Variants in SZT2 observed in about 807,000 individuals in gnomAD.
SZT2 encodes KICSTOR complex protein SZT2.
SZT2 carries 216 observed loss-of-function variants against 404.2 expected under a neutral mutation model. The ratio of observed to expected loss-of-function variants is 0.53; its 90% CI spans 0.48 to 0.60. The LOEUF is 0.60. Among genes scored for constraint, SZT2 ranks in the 20% least tolerant of loss-of-function variants. SZT2 has a pLI of 0.00. For synonymous variants in SZT2, 1,693 were observed against 1,749.9 expected (o/e 0.97, Z 0.81); for missense variants, 3,857 against 4,459.2 (o/e 0.86, Z 3.85).
Position 43,448,171 on chromosome 1 carries a change from C to T in SZT2, c.9656C>T (p.Pro3219Leu). 6.2e-7 allele frequency: 1 copy of T among 1,612,042 alleles called. No homozygotes were observed. Among genetic ancestry groups the T allele is most frequent in the Non-Finnish European group, 8.5e-7 (1 of 1,178,746 alleles). The stretch of plus-strand genomic sequence containing the variant: ...CGCTTCCGGAAGCCACCCAGACTGC[C>T]CCCTGAGCCAGAGGCTCCTGGGAGT... ...MRRFRKPPRL[P>L]PEPEAPGSSA... Residue 3219 changes from proline (P) to leucine (L), a missense_variant, in exon 69 of 72, where the codon CCC (proline) becomes CTC (leucine). Pro to Leu is a moderately conservative substitution (Grantham distance 98). Coordinates refer to ENST00000634258, the MANE Select transcript of SZT2 (RefSeq NM_001365999.1). This position sits in a 1 kb window ranked among gnomAD's most constrained non-coding sequence, Gnocchi z 4.2.
At chr1:43,404,642 CA>C in intron 4 of SZT2, 92 bp downstream of exon 4, 1 of 1,380,446 alleles carries the variant, frequency 7.2e-7, no homozygotes, top group Middle Eastern at 1.8e-4. Context: ...TGTTTGTCCC[CA>C]AAGTCCCGAG....
Position 43,450,725 on chromosome 1 carries a change from G to T in SZT2, c.*245G>T. 1 of 699,552 alleles carries T rather than the reference G, an allele frequency of 1.4e-6. No individual in the cohort carries two copies. The highest frequency in any genetic ancestry group is 2.5e-6 in the Non-Finnish European group (1 of 395,478). The allele number at this position is 699,552 out of a possible 1,614,324, so 43.3% of individuals were successfully genotyped here. ...TCCAGAGAGTCAGGTCAACCCCGAG[G>T]ACCCCTTGGGCCCTTCTGGGGTACT... is the stretch of plus-strand genomic sequence containing the variant. On this transcript the variant is annotated 3_prime_UTR_variant, in exon 72 of 72. Coordinates refer to ENST00000634258, the MANE Select transcript of SZT2 (RefSeq NM_001365999.1). This position sits in a 1 kb window ranked among gnomAD's most constrained non-coding sequence, Gnocchi z 4.3.
Position 43,423,300 on chromosome 1 carries a change from G to A in SZT2, c.2239G>A (p.Asp747Asn). 1 of 1,542,616 alleles carries A rather than the reference G, an allele frequency of 6.5e-7. No homozygotes were observed. The highest frequency in any genetic ancestry group is 8.7e-7 in the Non-Finnish European group (1 of 1,153,246). The change falls in exon 15 of 72, where the codon GAC becomes AAC. Residue 747 changes from aspartate to asparagine, a missense_variant. This residue lies in a region of SZT2 where 1,725 missense variants were observed against 1,881.0 expected (regional missense o/e 0.92). Transcript: ENST00000634258. ...PCLVVLHKPLDKLLIRYEKLP... is the reference protein window; with the variant it reads ...PCLVVLHKPLNKLLIRYEKLP... Reference sequence around the variant, plus strand: ...CCTTGTGGTCCTGCATAAGCCACTGGACAAACTGCTCATCAGGTTGGTACA... The same window carrying A: ...CCTTGTGGTCCTGCATAAGCCACTGAACAAACTGCTCATCAGGTTGGTACA...
Position 43,453,953 on chromosome 1 carries a change from C to A in SZT2, c.*3473C>A. The A allele has an allele frequency of 1.7e-6, 2 of 1,198,946 alleles. No individual in the cohort carries two copies. Among genetic ancestry groups the A allele is most frequent in the South Asian group, 4.1e-5 (1 of 24,176 alleles). The allele number at this position is 1,198,946 out of a possible 1,614,324, so 74.3% of individuals were successfully genotyped here. ...GAAGTGCTGTAAAAACCCGGGCCTT[C>A]ACGAAAAGCGCCTACGGTTAGCGAG... On this transcript the variant is annotated 3_prime_UTR_variant, in exon 72 of 72. Coordinates refer to ENST00000634258, the MANE Select transcript of SZT2 (RefSeq NM_001365999.1).
At position 43,414,510 on chromosome 1, in the gene SZT2, C is replaced by G. The variant is rs569633423; in HGVS notation, c.499-572C>G. Among the ~76,000 whole-genome samples, 5 of 152,172 alleles carry G rather than the reference C, an allele frequency of 3.3e-5. No individual in the cohort carries two copies. The East Asian group carries it at 9.7e-4, about 30-fold the overall frequency. ...GATCTCTGCTCACTGCAACCTCTGCCTTCCAGGTCCCAGTTAAGCAATTCT... is the reference window on the plus strand; with the variant it reads ...GATCTCTGCTCACTGCAACCTCTGCGTTCCAGGTCCCAGTTAAGCAATTCT... On this transcript the variant is annotated intron_variant, in intron 4 of 71. Transcript: ENST00000634258.
rs766521904 is a variant in SZT2 at position 43,433,232 on chromosome 1, C to T, written c.5804+42C>T. ...GCCTGCACCCTCATGCTCCCATTAA[C>T]CTCTTCTCTCTGCTCCCACAGTACC... On this transcript the variant is annotated intron_variant, in intron 40 of 71. Coordinates refer to ENST00000634258, the MANE Select transcript of SZT2 (RefSeq NM_001365999.1). The T allele has an allele frequency of 4.4e-6, 7 of 1,593,260 alleles. No individual in the cohort carries two copies. The East Asian group carries it at 6.7e-5, about 15-fold the overall frequency.
Position 43,446,244 on chromosome 1 carries a change from G to T in SZT2, c.8982G>T (p.Met2994Ile). ...CACTGCCTGGGGGCATCATCCTCAT[G>T]GAACTGGCATTCCAGGTAAGCAGGA... ...QRALPGGIIL[M>I]ELAFQGCYFC... The change falls in exon 64 of 72, where the codon ATG (methionine) becomes ATT (isoleucine). Residue 2994 changes from methionine to isoleucine, a missense_variant. By Grantham distance (10) the Met-to-Ile change is conservative. This residue lies in a region of SZT2 where 717 missense variants were observed against 868.2 expected (regional missense o/e 0.83). Transcript: ENST00000634258. The T allele has an allele frequency of 6.2e-7, 1 of 1,614,246 alleles. No homozygotes were observed. The highest frequency in any genetic ancestry group is 8.5e-7 in the Non-Finnish European group (1 of 1,180,050).
intron 1 of SZT2, among the ~76,000 whole-genome samples, chr1:43,397,644 C>T (rs1374419885): frequency 1.3e-5 from 2 of 151,810 alleles, no homozygotes; most frequent in South Asian, 2.1e-4. Context: ...TCTCCTGCCT[C>T]GGTCCCCTAA....
At position 43,437,661 on chromosome 1, in the gene SZT2, G is replaced by T. The variant is rs1488981993; in HGVS notation, c.6357G>T (p.Leu2119=). 3 of 1,614,058 alleles carry T rather than the reference G, an allele frequency of 1.9e-6. No homozygotes were observed. The highest frequency in any genetic ancestry group is 1.6e-4 in the Middle Eastern group (1 of 6,062). ...ATGCGCTGCCCCCTTCCCTCGCTCTGTCCCGAAGCCAAGAGCCCATCTACT... is the reference window on the plus strand; with the variant it reads ...ATGCGCTGCCCCCTTCCCTCGCTCTTTCCCGAAGCCAAGAGCCCATCTACT... ...KGDALPPSLA[L]SRSQEPIYSE... is the part of the protein sequence containing the mutation. The change falls in exon 45 of 72, where the codon CTG becomes CTT. Residue 2119 remains leucine, a synonymous_variant. Transcript: ENST00000634258. The surrounding 1 kb of genome is among the most constrained non-coding windows in gnomAD (Gnocchi z 5.3).
rs78858677 is a variant in SZT2 at position 43,441,264 on chromosome 1, T to C, written c.7395T>C (p.Ile2465=). 2.9e-4 allele frequency: 468 copies of C among 1,614,210 alleles called. 2 individuals carry two copies. The African/African-American group carries it at 5.4e-3, about 19-fold the overall frequency. ...DLGSPKTTDD[I]VLDRPEDTRG... ...GTTCCCCCAAAACAACTGATGACATTGTCCTGGATCGGCCAGAAGACACTC... is the reference window on the plus strand; with the variant it reads ...GTTCCCCCAAAACAACTGATGACATCGTCCTGGATCGGCCAGAAGACACTC... Residue 2465 remains isoleucine, a synonymous_variant, in exon 53 of 72, where the codon ATT becomes ATC. Coordinates refer to ENST00000634258, the MANE Select transcript of SZT2 (RefSeq NM_001365999.1). This position sits in a 1 kb window ranked among gnomAD's most constrained non-coding sequence, Gnocchi z 4.8.
Position 43,422,234 on chromosome 1 carries a change from C to A in SZT2, c.1769+9C>A. ...ATCCTGGAGCATGACACGTGGGTGCCCTTAGGGCTGGGCCATAGTTGGGGT... is the reference window on the plus strand; with the variant it reads ...ATCCTGGAGCATGACACGTGGGTGCACTTAGGGCTGGGCCATAGTTGGGGT... On this transcript the variant is annotated intron_variant, in intron 12 of 71. Coordinates refer to ENST00000634258, the MANE Select transcript of SZT2 (RefSeq NM_001365999.1). 6.4e-7 allele frequency: 1 copy of A among 1,572,568 alleles called. No homozygotes were observed.
Position 43,422,782 on chromosome 1 carries a change from C to T in SZT2, c.1936C>T (p.Pro646Ser). The change falls in exon 14 of 72, where the codon CCC (proline) becomes TCC (serine). Residue 646 changes from proline (P) to serine (S), a missense_variant. Coordinates refer to ENST00000634258, the MANE Select transcript of SZT2 (RefSeq NM_001365999.1). The stretch of plus-strand genomic sequence containing the variant: ...ATTTCTCCCCAGTGCCCCAGACCAG[C>T]CCCCCAATTCCTTCTACATGGTCCG... The part of the protein sequence containing the change: ...VKLLSSAPDQ[P>S]PNSFYMVRII... 6.3e-7 allele frequency: 1 copy of T among 1,588,596 alleles called. No individual in the cohort carries two copies.
rs2153934073 is a variant in SZT2, at chr1:43,431,798, C to A, written c.5171C>A (p.Ala1724Asp). ...IPQSPALHRA[A>D]AHIHSSPGRS... ...CAGAGTCCTGCCCTGCACCGCGCAG[C>A]TGCCCATATCCATAGTTCTCCTGGA... Residue 1724 changes from alanine to aspartate, a missense_variant, in exon 36 of 72, where the codon GCT (alanine) becomes GAT (aspartate). Around this residue, in one of 7 missense-constraint regions of SZT2, gnomAD observed 1,725 missense variants for 1,881.0 expected, o/e 0.92. Coordinates refer to ENST00000634258, the MANE Select transcript of SZT2 (RefSeq NM_001365999.1). The A allele has an allele frequency of 6.2e-7, 1 of 1,614,230 alleles. No individual in the cohort carries two copies.
At chr1:43,411,064 A>G (rs749185533) in intron 4 of SZT2, among the ~76,000 whole-genome samples, 5 of 152,206 alleles carry the variant, frequency 3.3e-5, no homozygotes, top group African/African-American at 1.2e-4. Flanking sequence ...CCTGATCTAT[A>G]TGAAATCAAA....
At chr1:43,403,386 G>C (rs983371691) in intron 2 of SZT2, 84 bp downstream of exon 2, 2 of 1,533,278 alleles carry the variant, frequency 1.3e-6, no homozygotes, top group African/African-American at 1.4e-5. Flanking sequence ...AGACAGGGTG[G>C]GAGACTAACT....
Position 43,438,701 on chromosome 1 carries a change from C to T in SZT2, c.6511C>T (p.Pro2171Ser), listed in dbSNP as rs1570700741. 1.2e-6 allele frequency: 2 copies of T among 1,613,810 alleles called. No individual in the cohort carries two copies. Among genetic ancestry groups the T allele is most frequent in the Non-Finnish European group, 1.7e-6 (2 of 1,179,942 alleles). ...LLVHGVGQAG[P>S]EITDELVRVL... is the part of the protein sequence containing the mutation. ...CTTCCCACCATGGCTGTGTCAAGGT[C>T]CTGAGATCACGGATGAGCTCGTGCG... Residue 2171 changes from proline (P) to serine (S), a missense_variant and splice_region_variant, in exon 47 of 72, where the codon CCT becomes TCT. Physicochemically the swap from Pro to Ser is moderately conservative, Grantham distance 74. Transcript: ENST00000634258.
At position 43,450,358 on chromosome 1, in the gene SZT2, G is replaced by A. The variant is rs1656250218; in HGVS notation, c.10177G>A (p.Glu3393Lys). 6 of 1,614,058 alleles carry A rather than the reference G, an allele frequency of 3.7e-6. No homozygotes were observed. Among genetic ancestry groups the A allele is most frequent in the Non-Finnish European group, 5.1e-6 (6 of 1,179,990 alleles). The part of the protein sequence containing the change: ...GKTSLTVVFR[E>K]PFPVQPQDSE... ...ACAGTCTCTGACAGTGGTTTTCCGA[G>A]AGCCCTTCCCAGTACAGCCCCAGGA... The change falls in exon 72 of 72, where the codon GAG (glutamate) becomes AAG (lysine). Residue 3393 changes from glutamate (E) to lysine (K), a missense_variant. Physicochemically the swap from Glu to Lys is moderately conservative, Grantham distance 56. This residue lies in a region of SZT2 where 717 missense variants were observed against 868.2 expected (regional missense o/e 0.83). Transcript: ENST00000634258. The surrounding 1 kb of genome is among the most constrained non-coding windows in gnomAD (Gnocchi z 4.3).
At chr1:43,422,372 A>G (rs1179317903) in intron 12 of SZT2, 108 bp from the exon 13 acceptor site, 2 of 1,489,708 alleles carry the variant, frequency 1.3e-6, no homozygotes, top group Non-Finnish European at 1.8e-6. Context: ...CCTGCTCTTC[A>G]GTCCCCATAA....
In SZT2 at chr1:43,442,439, C is replaced by T. The variant is rs771976831; in HGVS notation, c.7975-3C>T. The T allele has an allele frequency of 2.5e-6, 4 of 1,612,586 alleles. No individual in the cohort carries two copies. The highest frequency in any genetic ancestry group is 1.3e-5 in the African/African-American group (1 of 75,034). ...CTCACTGACCCTGACCCCCGACCTC[C>T]AGCTACAGCTGCTGACCTACAACTG... On this transcript the variant is annotated splice_region_variant and splice_polypyrimidine_tract_variant and intron_variant, in intron 57 of 71. Transcript: ENST00000634258. This position sits in a 1 kb window ranked among gnomAD's most constrained non-coding sequence, Gnocchi z 4.5.
Sources: allele counts gnomAD v4.1 joint callset (sites outside exome capture counted in the v4.1 genomes callset), GRCh38; gene constraint gnomAD v4.1.1; regional missense constraint gnomAD v4.1.1; non-coding constraint Gnocchi (gnomAD v3.1); transcripts MANE v1.5; gene names NCBI Gene and HGNC (gene_info 2026-07-23, HGNC 2026-07-21).